Variants in SOX5 observed in about 807,000 individuals in gnomAD.
The protein encoded by SOX5 is SRY-box transcription factor 5, also known as transcription factor SOX-5.
In SOX5, 9 loss-of-function variants were observed where a neutral mutation model predicts 92.0. The ratio of observed to expected loss-of-function variants is 0.10; its 90% CI spans 0.06 to 0.17. The LOEUF is 0.17. SOX5 is among the 10% of genes least tolerant of loss of function. The probability of loss-of-function intolerance (pLI) is 1.00; values close to 1 mark genes in which losing one functional copy is unlikely to be tolerated. For synonymous variants in SOX5, 344 were observed against 336.3 expected (o/e 1.02, Z -0.25); for missense variants, 642 against 944.5 (o/e 0.68, Z 4.20).
chr12:23,791,552 G>C (rs1331720397), intron 3 of SOX5, among the ~76,000 whole-genome samples: 1 of 152,120 alleles, frequency 6.6e-6, no homozygotes, highest in African/African-American at 2.4e-5. Flanking sequence ...CAGACATAAA[G>C]GCCATAATGT....
chr12:23,701,458 A>T (rs1372534264), intron 6 of SOX5, among the ~76,000 whole-genome samples: 1 of 152,170 alleles, frequency 6.6e-6, no homozygotes, highest in East Asian at 1.9e-4. Flanking sequence ...TCTCTTCACC[A>T]TAAACATAAT....
intron 4 of SOX5, among the ~76,000 whole-genome samples, chr12:24,095,443 A>G (rs1356624371): frequency 6.7e-6 from 1 of 149,552 alleles, no homozygotes; most frequent in Admixed American, 6.7e-5. Context: ...TTATTTATTT[A>G]TTTATTTATT....
chr12:23,869,354 T>G (rs1444746691), intron 2 of SOX5, among the ~76,000 whole-genome samples: 1 of 152,144 alleles, frequency 6.6e-6, no homozygotes, highest in African/African-American at 2.4e-5. Flanking sequence ...TAAGCTCTTT[T>G]CCCTCACTTT....
intron 10 of SOX5, among the ~76,000 whole-genome samples, chr12:23,571,166 A>T (rs1423646839): frequency 6.7e-6 from 1 of 149,732 alleles, no homozygotes; most frequent in Non-Finnish European, 1.5e-5. Context: ...TAATAATAAT[A>T]ATAATAAATA....
At chr12:24,536,854 A>G (rs1356118573) in intron 1 of SOX5, among the ~76,000 whole-genome samples, 1 of 152,218 alleles carries the variant, frequency 6.6e-6, no homozygotes, top group Non-Finnish European at 1.5e-5. Context: ...GCAACTTTCT[A>G]TCCACCTATA....
chr12:24,479,290 A>T (rs2137770922), intron 1 of SOX5, among the ~76,000 whole-genome samples: 1 of 152,314 alleles, frequency 6.6e-6, no homozygotes, highest in East Asian at 1.9e-4. Context: ...TTAACATCTT[A>T]TCTCTCTTAT....
intron 5 of SOX5, among the ~76,000 whole-genome samples, chr12:23,736,190 G>T (rs2093585984): frequency 6.6e-6 from 1 of 151,872 alleles, no homozygotes; most frequent in Non-Finnish European, 1.5e-5. Flanking sequence ...GGCCGGGTGT[G>T]GTGGCTCACG....
chr12:23,652,999 T>TATGA (rs2081818260), intron 7 of SOX5, among the ~76,000 whole-genome samples: 1 of 150,392 alleles, frequency 6.6e-6, no homozygotes, highest in African/African-American at 2.4e-5. Context: ...GATGAATGAA[T>TATGA]ATGGATGGAT....
intron 4 of SOX5, among the ~76,000 whole-genome samples, chr12:24,136,543 CAT>C (rs1749380264): frequency 6.6e-6 from 1 of 152,166 alleles, no homozygotes; most frequent in East Asian, 1.9e-4. Context: ...GCACCTGCCT[CAT>C]AGAGATGCTC....
At chr12:24,544,597 C>T (rs1168566037) in intron 1 of SOX5, among the ~76,000 whole-genome samples, 1 of 152,134 alleles carries the variant, frequency 6.6e-6, no homozygotes, top group African/African-American at 2.4e-5. Flanking sequence ...CTGGCTAATG[C>T]AAACACACAC....
chr12:24,039,836 T>C (rs1956357645), intron 4 of SOX5, among the ~76,000 whole-genome samples: 1 of 152,182 alleles, frequency 6.6e-6, no homozygotes, highest in African/African-American at 2.4e-5. Flanking sequence ...ATTCATTTAA[T>C]CAAGAAACTT....
chr12:23,674,146 G>A (rs1326553913), intron 6 of SOX5, among the ~76,000 whole-genome samples: 1 of 151,880 alleles, frequency 6.6e-6, no homozygotes, highest in Non-Finnish European at 1.5e-5. Flanking sequence ...TATGAATGAG[G>A]AAAACTGATA....
At chr12:24,138,224 C>T (rs1161986258) in intron 4 of SOX5, among the ~76,000 whole-genome samples, 1 of 152,228 alleles carries the variant, frequency 6.6e-6, no homozygotes, top group African/African-American at 2.4e-5. Context: ...ACTTGATCAT[C>T]AGCTGTTCAT....
At chr12:23,704,316 G>A (rs562241015) in intron 6 of SOX5, among the ~76,000 whole-genome samples, 8 of 151,714 alleles carry the variant, frequency 5.3e-5, no homozygotes, top group African/African-American at 1.4e-4. Flanking sequence ...TGTTTAACCC[G>A]AATTTAAAAT....
At chr12:23,914,148 A>G (rs1005163269) in intron 1 of SOX5, among the ~76,000 whole-genome samples, 7 of 152,204 alleles carry the variant, frequency 4.6e-5, no homozygotes, top group African/African-American at 1.7e-4. Flanking sequence ...TTCCTACAAA[A>G]TCAACTATTG....
chr12:23,721,488 T>C (rs909484095), intron 6 of SOX5, among the ~76,000 whole-genome samples: 2 of 151,818 alleles, frequency 1.3e-5, no homozygotes, highest in African/African-American at 4.8e-5. Flanking sequence ...ACTACCAAAC[T>C]GTTACCCTCA....
chr12:23,683,590 C>A (rs1283143187), intron 6 of SOX5, among the ~76,000 whole-genome samples: 1 of 151,892 alleles, frequency 6.6e-6, no homozygotes, highest in Non-Finnish European at 1.5e-5. Context: ...AAGACCTGAT[C>A]CTCATCACAG....
chr12:23,662,984 A>G (rs1400158253), intron 7 of SOX5, among the ~76,000 whole-genome samples: 1 of 152,168 alleles, frequency 6.6e-6, no homozygotes, highest in African/African-American at 2.4e-5. Context: ...ATGGTTGACA[A>G]CCTTGAGGGG....
intron 1 of SOX5, among the ~76,000 whole-genome samples, chr12:24,508,762 G>T (rs980871628): frequency 1.4e-4 from 21 of 152,170 alleles, no homozygotes; most frequent in Admixed American, 8.5e-4. Context: ...AGGTGAAGAG[G>T]GCAAAGAACA....
Sources: allele counts gnomAD v4.1 joint callset (sites outside exome capture counted in the v4.1 genomes callset), GRCh38; gene constraint gnomAD v4.1.1; transcripts MANE v1.5; gene names NCBI Gene and HGNC (gene_info 2026-07-23, HGNC 2026-07-21).